Variants in HGSNAT observed in about 807,000 individuals in gnomAD.
HGSNAT encodes the protein transmembrane protein 76.
A neutral mutation model predicts 85.2 loss-of-function variants in HGSNAT; 59 were observed. The ratio of observed to expected loss-of-function variants is 0.69; its 90% CI spans 0.56 to 0.86. The LOEUF (loss-of-function observed/expected upper bound fraction) is 0.86. HGSNAT is among the 40% of genes least tolerant of loss of function. The pLI is 0.00. For missense variants in HGSNAT, 756 were observed against 777.1 expected (o/e 0.97, Z 0.32); for synonymous variants, 321 against 304.5 (o/e 1.05, Z -0.56).
At chr8:43,146,744 CATGT>C (rs1217165159) in intron 1 of HGSNAT, among the ~76,000 whole-genome samples, 200 bp from the exon 2 acceptor site, 1 of 151,654 alleles carries the variant, frequency 6.6e-6, no homozygotes, top group Admixed American at 6.6e-5. Flanking sequence ...CACATGCATG[CATGT>C]GTGTGTGTGC....
intron 9 of HGSNAT, among the ~76,000 whole-genome samples, chr8:43,175,953 G>A (rs1803797969): frequency 6.6e-6 from 1 of 152,022 alleles, no homozygotes; most frequent in South Asian, 2.1e-4. Flanking sequence ...TTTATTGCTT[G>A]TCTGATGGGG....
intron 2 of HGSNAT, among the ~76,000 whole-genome samples, chr8:43,155,711 T>C (rs1803070214): frequency 6.6e-6 from 1 of 152,246 alleles, no homozygotes; most frequent in African/African-American, 2.4e-5. Flanking sequence ...ACATTTAAGC[T>C]GTTAATCCAT....
At chr8:43,167,110 A>G (rs1008693275) in intron 5 of HGSNAT, among the ~76,000 whole-genome samples, 1 of 152,236 alleles carries the variant, frequency 6.6e-6, no homozygotes, top group Non-Finnish European at 1.5e-5. Flanking sequence ...CTTATAGATG[A>G]GCAAAGGAAG....
chr8:43,176,167 T>G (rs1295899699), intron 9 of HGSNAT, among the ~76,000 whole-genome samples: 1 of 152,222 alleles, frequency 6.6e-6, no homozygotes, highest in Non-Finnish European at 1.5e-5. Context: ...TCTTAGTAGT[T>G]TCATAGTTTG....
intron 7 of HGSNAT, among the ~76,000 whole-genome samples, chr8:43,171,190 G>A (rs968364839): frequency 3.9e-5 from 6 of 152,160 alleles, no homozygotes; most frequent in Non-Finnish European, 7.4e-5. Flanking sequence ...TGAAAATAAA[G>A]TTTAAAAACT....
rs1445501820 is a variant in HGSNAT at position 43,197,908 on chromosome 8, T to C, written c.1682T>C (p.Val561Ala). Residue 561 changes from valine to alanine, a missense_variant, in exon 17 of 18, where the codon GTG (valine) becomes GCG (alanine). Transcript: ENST00000379644. ...FFILLVLYPV[V>A]DVKGLWTGTP... ...ATCCTGCTGGTCCTGTACCCAGTTG[T>C]GGATGTGAAGGGGCTGTGGACAGGA... is the stretch of plus-strand genomic sequence containing the variant. 6.2e-7 allele frequency: 1 copy of C among 1,613,986 alleles called. No individual in the cohort carries two copies. Among genetic ancestry groups the C allele is most frequent in the Non-Finnish European group, 8.5e-7 (1 of 1,179,876 alleles).
At chr8:43,167,607 G>A (rs1216075790) in intron 5 of HGSNAT, among the ~76,000 whole-genome samples, 1 of 152,154 alleles carries the variant, frequency 6.6e-6, no homozygotes, top group Non-Finnish European at 1.5e-5. Flanking sequence ...TATACACTGG[G>A]TCACAGAAAA....
chr8:43,192,502 G>A, intron 13 of HGSNAT, 72 bp downstream of exon 13: 1 of 1,496,962 alleles, frequency 6.7e-7, no homozygotes. Flanking sequence ...GAAAGAGCCA[G>A]CAAACGTTAA....
intron 1 of HGSNAT, among the ~76,000 whole-genome samples, chr8:43,145,507 C>G (rs1261936756): frequency 6.6e-6 from 1 of 152,090 alleles, no homozygotes; most frequent in Admixed American, 6.5e-5. Context: ...AATCCCAGCA[C>G]TTTGGGAGGC....
chr8:43,187,204 T>C (rs1290463657), intron 11 of HGSNAT, among the ~76,000 whole-genome samples: 1 of 152,220 alleles, frequency 6.6e-6, no homozygotes, highest in Non-Finnish European at 1.5e-5. Flanking sequence ...CCTTGTTAAC[T>C]TTCTGTCTCA....
chr8:43,176,213 T>A (rs908325475), intron 9 of HGSNAT, among the ~76,000 whole-genome samples: 5 of 152,066 alleles, frequency 3.3e-5, no homozygotes, highest in Non-Finnish European at 5.9e-5. Flanking sequence ...CATTTTGATT[T>A]GATTTTTTTA....
At chr8:43,185,447 T>C (rs2130790922) in intron 11 of HGSNAT, among the ~76,000 whole-genome samples, 1 of 152,312 alleles carries the variant, frequency 6.6e-6, no homozygotes, top group East Asian at 1.9e-4. Context: ...TTGTCTGTTA[T>C]TGGTGTATAG....
intron 10 of HGSNAT, among the ~76,000 whole-genome samples, chr8:43,179,634 C>T (rs1162905425): frequency 1.1e-4 from 4 of 35,364 alleles, no homozygotes; most frequent in African/African-American, 4.3e-4. Flanking sequence ...CCTCACCTCC[C>T]GGACGGGGCG....
intron 2 of HGSNAT, among the ~76,000 whole-genome samples, chr8:43,154,440 C>T (rs562564670): frequency 3.6e-4 from 54 of 150,764 alleles, no homozygotes; most frequent in Non-Finnish European, 2.4e-4. Context: ...TGAGAGCACG[C>T]GGTGTTTGGT....
intron 11 of HGSNAT, among the ~76,000 whole-genome samples, chr8:43,185,849 G>C (rs1185865597): frequency 6.6e-6 from 1 of 152,136 alleles, no homozygotes; most frequent in African/African-American, 2.4e-5. Context: ...TAGCATGAAG[G>C]GCTGTTGAAT....
intron 1 of HGSNAT, among the ~76,000 whole-genome samples, chr8:43,145,121 G>A (rs1802670400): frequency 6.6e-6 from 1 of 152,150 alleles, no homozygotes; most frequent in African/African-American, 2.4e-5. Flanking sequence ...TTAGAGGAAT[G>A]GGCCTCCCTT....
chr8:43,170,549 T>G (rs867686448), intron 6 of HGSNAT, 36 bp from the exon 7 acceptor site: 1 of 1,419,136 alleles, frequency 7.0e-7, no homozygotes, highest in African/African-American at 1.4e-5. Context: ...CCCCTTAGCA[T>G]TATGAGTTGT....
chr8:43,188,095 T>G (rs1804385458), intron 11 of HGSNAT, among the ~76,000 whole-genome samples: 1 of 152,202 alleles, frequency 6.6e-6, no homozygotes, highest in South Asian at 2.1e-4. Context: ...TCATTTCAAC[T>G]TTGGTGAATC....
At chr8:43,177,294 T>TAA (rs918721968) in intron 9 of HGSNAT, among the ~76,000 whole-genome samples, 4 of 152,094 alleles carry the variant, frequency 2.6e-5, no homozygotes, top group African/African-American at 9.7e-5. Flanking sequence ...CTCATGCCTG[T>TAA]AATCCCAGCA....
Sources: allele counts gnomAD v4.1 joint callset (sites outside exome capture counted in the v4.1 genomes callset), GRCh38; gene constraint gnomAD v4.1.1; transcripts MANE v1.5; gene names NCBI Gene and HGNC (gene_info 2026-07-23, HGNC 2026-07-21).